DGKH: variants seen among roughly 807,000 people sequenced by gnomAD.
DGKH encodes the protein diacylglycerol kinase eta.
Under a neutral mutation model 159.3 loss-of-function variants are expected in DGKH, and 90 were observed. That is an observed-to-expected ratio of 0.57 (90% CI 0.48 to 0.67). DGKH has a LOEUF of 0.67. Among genes scored for constraint, DGKH ranks in the 30% least tolerant of loss-of-function variants. The pLI is 0.00. For synonymous variants in DGKH, 536 were observed against 553.8 expected (o/e 0.97, Z 0.45); for missense variants, 1,181 against 1,506.1 (o/e 0.78, Z 3.57).
chr13:42,123,695 C>T (rs1331763051), intron 1 of DGKH, among the ~76,000 whole-genome samples: 1 of 152,176 alleles, frequency 6.6e-6, no homozygotes, highest in Admixed American at 6.5e-5. Context: ...ACAGACATTT[C>T]ACCAGTGAAG....
At chr13:42,199,292 G>A (rs982322237) in intron 18 of DGKH, among the ~76,000 whole-genome samples, 4 of 152,138 alleles carry the variant, frequency 2.6e-5, no homozygotes, top group East Asian at 1.9e-4. Context: ...AGGAACTTAA[G>A]TAGAAATAGA....
At chr13:42,084,245 T>A (rs985413645) in intron 1 of DGKH, among the ~76,000 whole-genome samples, 1 of 152,208 alleles carries the variant, frequency 6.6e-6, no homozygotes, top group South Asian at 2.1e-4. Flanking sequence ...TTTTTAAAAA[T>A]CACTTAAAAA....
chr13:42,197,252 CAAAAA>C (rs71703387), intron 17 of DGKH, among the ~76,000 whole-genome samples: 3 of 86,230 alleles, frequency 3.5e-5, no homozygotes, highest in Non-Finnish European at 5.3e-5. Flanking sequence ...TCTATCTCAA[CAAAAA>C]AAAAAAAAAA....
intron 25 of DGKH, among the ~76,000 whole-genome samples, chr13:42,215,158 G>A (rs9533038): frequency 0.23 from 33,908 of 147,390 alleles, 4,309 homozygotes; most frequent in Non-Finnish European, 0.3. Flanking sequence ...AACTGATAGC[G>A]TTTTTTTTTT....
chr13:42,205,608 T>G (rs1566189898), intron 20 of DGKH, among the ~76,000 whole-genome samples: 2 of 152,280 alleles, frequency 1.3e-5, no homozygotes, highest in South Asian at 2.1e-4. Flanking sequence ...CCCAGGTGGT[T>G]GTAGAGCCCC....
intron 7 of DGKH, among the ~76,000 whole-genome samples, chr13:42,163,786 C>T (rs9525586): frequency 0.35 from 52,498 of 150,026 alleles, 9,624 homozygotes; most frequent in Non-Finnish European, 0.42. Flanking sequence ...GAGTAGGTTG[C>T]GAAAATTTTC....
upstream of DGKH, among the ~76,000 whole-genome samples, chr13:42,048,527 G>T (rs1419379447): frequency 1.3e-5 from 2 of 152,152 alleles, no homozygotes; most frequent in Admixed American, 6.5e-5. The surrounding 1 kb of genome is among the most constrained non-coding windows in gnomAD (Gnocchi z 6.7). Flanking sequence ...GCGGGCGGGG[G>T]TCCGTTACCT....
chr13:42,222,605 G>A (rs555193987), intron 29 of DGKH, among the ~76,000 whole-genome samples: 1 of 152,216 alleles, frequency 6.6e-6, no homozygotes, highest in East Asian at 1.9e-4. Flanking sequence ...AGTAAATGTA[G>A]GGGGGATCAT....
In DGKH at chr13:42,113,610, G is replaced by C. The variant is rs1225327161; in HGVS notation, c.193-13853G>C. Among the ~76,000 whole-genome samples the C allele has an allele frequency of 2.0e-5, 3 of 152,146 alleles. No individual in the cohort carries two copies. The East Asian group carries it at 5.8e-4, about 29-fold the overall frequency. On this transcript the variant is annotated intron_variant, in intron 1 of 29. Transcript: ENST00000337343. ...AGTCTGGAGTCAAAAGGAGCTGATG[G>C]GAAAGTTTGGAGGCTGATACGAAAG...
intron 1 of DGKH, among the ~76,000 whole-genome samples, chr13:42,059,604 G>A (rs1489098478): frequency 1.3e-5 from 2 of 152,068 alleles, no homozygotes; most frequent in East Asian, 3.9e-4. Flanking sequence ...ACTTGGAGGT[G>A]GTAGTGGAAA....
chr13:42,165,031 C>T (rs1354162943), intron 7 of DGKH, among the ~76,000 whole-genome samples: 1 of 152,030 alleles, frequency 6.6e-6, no homozygotes, highest in Non-Finnish European at 1.5e-5. Flanking sequence ...TTCTCTGCCT[C>T]CCTTCCTCTG....
At position 42,229,092 on chromosome 13, in the gene DGKH, A is replaced by G. The variant is rs759707955; in HGVS notation, c.3574-7A>G. 1.9e-6 allele frequency: 3 copies of G among 1,595,454 alleles called. No homozygotes were observed. The highest frequency in any genetic ancestry group is 2.6e-6 in the Non-Finnish European group (3 of 1,173,240). ...TATTTCTACCTTTTTCTGTTCTTTTATTTTAGGATCTGGGGATACCGAAAG... is the reference window on the plus strand; with the variant it reads ...TATTTCTACCTTTTTCTGTTCTTTTGTTTTAGGATCTGGGGATACCGAAAG... On this transcript the variant is annotated splice_region_variant and splice_polypyrimidine_tract_variant and intron_variant, in intron 29 of 29. Transcript: ENST00000337343.
In DGKH at chr13:42,238,795, A is replaced by C. The variant is rs1958466166; in HGVS notation, c.*9607A>C. 1 of 152,194 alleles carries C rather than the reference A, an allele frequency of 6.6e-6. No homozygotes were observed. The highest frequency in any genetic ancestry group is 2.4e-5 in the African/African-American group (1 of 41,462). 9.4% of individuals were successfully genotyped at this position (152,194 alleles called of 1,614,324 possible). ...GTAGAATAACCTAGTTAAAATCATT[A>C]TATTAGTTATACATGAGAGTCAGTG... On this transcript the variant is annotated 3_prime_UTR_variant, in exon 30 of 30. Transcript: ENST00000337343.
At chr13:42,051,250 G>C (rs908078396) in intron 1 of DGKH, among the ~76,000 whole-genome samples, 3 of 152,126 alleles carry the variant, frequency 2.0e-5, no homozygotes, top group African/African-American at 7.2e-5. Context: ...CAGAAATTCA[G>C]CATTTTACAA....
intron 1 of DGKH, among the ~76,000 whole-genome samples, chr13:42,052,790 T>C (rs1881418998): frequency 6.6e-6 from 1 of 152,220 alleles, no homozygotes; most frequent in African/African-American, 2.4e-5. Context: ...CTAGGATTGT[T>C]CAACAATCAT....
In DGKH at chr13:42,239,654, T is replaced by G. The variant is rs542364142; in HGVS notation, c.*10466T>G. On this transcript the variant is annotated 3_prime_UTR_variant, in exon 30 of 30. Transcript: ENST00000337343. ...TGCTTTTGCCATAGGTTTTTTTTTG[T>G]TTTTGGTTTTTTTCCAGCAACTAGT... The G allele has an allele frequency of 4.6e-5, 7 of 152,558 alleles. No homozygotes were observed. The highest frequency in any genetic ancestry group is 1.3e-4 in the Admixed American group (2 of 15,292). The allele number at this position is 152,558 out of a possible 1,614,324, so 9.5% of individuals were successfully genotyped here.
At chr13:42,061,814 T>G (rs1286648283) in intron 1 of DGKH, among the ~76,000 whole-genome samples, 1 of 152,206 alleles carries the variant, frequency 6.6e-6, no homozygotes, top group Non-Finnish European at 1.5e-5. Flanking sequence ...CTATTCTAGG[T>G]GCTGAGATGG....
intron 3 of DGKH, among the ~76,000 whole-genome samples, chr13:42,149,252 A>T (rs996044319): frequency 1.3e-5 from 2 of 152,118 alleles, no homozygotes; most frequent in African/African-American, 4.8e-5. Flanking sequence ...TTATTTGAGT[A>T]TCTTCTTCCC....
intron 1 of DGKH, among the ~76,000 whole-genome samples, chr13:42,049,823 A>G (rs890616703): frequency 6.6e-6 from 1 of 152,228 alleles, no homozygotes; most frequent in Non-Finnish European, 1.5e-5. Context: ...TCATGAACAT[A>G]CCAAAGCAAA....
Sources: allele counts gnomAD v4.1 joint callset (sites outside exome capture counted in the v4.1 genomes callset), GRCh38; gene constraint gnomAD v4.1.1; non-coding constraint Gnocchi (gnomAD v3.1); transcripts MANE v1.5; gene names NCBI Gene and HGNC (gene_info 2026-07-23, HGNC 2026-07-21).